LNX1: variants seen among roughly 807,000 people sequenced by gnomAD.
LNX1 encodes the protein ligand of numb-protein X 1.
LNX1 carries 54 observed loss-of-function variants against 68.4 expected under a neutral mutation model. That is an observed-to-expected ratio of 0.79 (90% CI 0.63 to 0.99). LNX1 has a LOEUF of 0.99. Ranked by LOEUF, LNX1 falls within the 50% of genes least tolerant of loss-of-function variation. The pLI, the probability that LNX1 is intolerant of heterozygous loss-of-function variation, is 0.00. For synonymous variants in LNX1, 336 were observed against 350.0 expected, an observed-to-expected ratio of 0.96 and a Z score of 0.45; for missense variants, 906 against 926.4, an observed-to-expected ratio of 0.98 and a Z score of 0.29.
chr4:53,648,748 G>A (rs1431119442), intron 1 of LNX1, among the ~76,000 whole-genome samples: 1 of 152,158 alleles, frequency 6.6e-6, no homozygotes, highest in Non-Finnish European at 1.5e-5. Context: ...TAAGTCCTAT[G>A]GCAAATAGAC....
chr4:53,575,575 G>A (rs1731430259), intron 1 of LNX1: 8 of 1,263,744 alleles, frequency 6.3e-6, no homozygotes, highest in Non-Finnish European at 8.0e-6. Context: ...AGGGCTCTGG[G>A]TCAACTTTCA....
intron 9 of LNX1, among the ~76,000 whole-genome samples, chr4:53,470,517 G>C (rs1165282947): frequency 6.6e-6 from 1 of 152,124 alleles, no homozygotes; most frequent in Non-Finnish European, 1.5e-5. Context: ...AGGAAATAAA[G>C]GGCATTCAAT....
At chr4:53,565,055 G>T (rs1407199011) in intron 2 of LNX1, among the ~76,000 whole-genome samples, 1 of 152,112 alleles carries the variant, frequency 6.6e-6, no homozygotes, top group African/African-American at 2.4e-5. Flanking sequence ...CTGCAAGGTG[G>T]CAGCGAGGCT....
At chr4:53,542,845 C>T (rs77453629) in intron 2 of LNX1, among the ~76,000 whole-genome samples, 23,009 of 152,112 alleles carry the variant, frequency 0.15, 2,136 homozygotes, top group South Asian at 0.32. Flanking sequence ...TAAGAACCCC[C>T]CTCTCCCATC....
Position 53,478,664 on chromosome 4 carries a change from CG to C in LNX1, c.1563del (p.Val522SerfsTer25). On this transcript the variant is annotated frameshift_variant, in exon 8 of 11. Transcript: ENST00000263925. LOFTEE classifies it high-confidence loss of function. ...TCTCTATGTGATGCTCCCCCTGCGACGGTCATGCCGAGAGATTCACCGGGGT... is the reference window on the plus strand; with the variant it reads ...TCTCTATGTGATGCTCCCCCTGCGACGTCATGCCGAGAGATTCACCGGGGT... ...QKDPGESLGM[T>X]VAGGASHREW... is the part of the protein sequence containing the mutation. 1 of 1,614,062 alleles carries C rather than the reference CG, an allele frequency of 6.2e-7. No individual in the cohort carries two copies. Among genetic ancestry groups the C allele is most frequent in the Non-Finnish European group, 8.5e-7 (1 of 1,179,966 alleles).
intron 1 of LNX1, among the ~76,000 whole-genome samples, chr4:53,645,204 C>A (rs1393790266): frequency 6.6e-6 from 1 of 152,138 alleles, no homozygotes; most frequent in Admixed American, 6.5e-5. Context: ...AATTAAGAAT[C>A]CAGAGGAAGG....
chr4:53,521,697 G>A (rs1218996512), intron 2 of LNX1, among the ~76,000 whole-genome samples: 3 of 151,742 alleles, frequency 2.0e-5, no homozygotes, highest in African/African-American at 7.2e-5. Flanking sequence ...TGCAAACGAA[G>A]GGGGAAAGGA....
rs56165716 is a variant in LNX1 at position 53,501,299 on chromosome 4, T to TTTGGGGGGG, written c.776-2457_776-2456insCCCCCCCAA. 2.4e-3 allele frequency among the ~76,000 whole-genome samples: 93 copies of TTTGGGGGGG among 38,776 alleles called. 2 individuals carry two copies. Among genetic ancestry groups the TTTGGGGGGG allele is most frequent in the Non-Finnish European group, 4.7e-3 (67 of 14,354 alleles). The allele number at this position is 38,776 out of a possible 152,430, so 25.4% of individuals were successfully genotyped here. A position where few individuals can be genotyped will look rare whatever the true frequency, so the allele number is the denominator to read the frequency against. On this transcript the variant is annotated intron_variant, in intron 4 of 10. Coordinates refer to ENST00000263925, the MANE Select transcript of LNX1 (RefSeq NM_001126328.3). ...TAATAATCTTTTTTTTTTTTTTTTT[T>TTTGGGGGGG]GGGGGTGGGGGGACAGGATCTCACT...
At chr4:53,532,058 T>C (rs543241662) in intron 2 of LNX1, among the ~76,000 whole-genome samples, 10 of 152,326 alleles carry the variant, frequency 6.6e-5, no homozygotes, top group Admixed American at 5.9e-4. Context: ...ATCTATTCAG[T>C]CTTGCAATGA....
At chr4:53,604,949 C>T (rs1345349716) in intron 2 of LNX1, among the ~76,000 whole-genome samples, 6 of 152,240 alleles carry the variant, frequency 3.9e-5, no homozygotes, top group East Asian at 1.9e-4. Flanking sequence ...CCTCACAACC[C>T]GGGTGATTTG....
At chr4:53,596,986 G>A (rs1262729074) in intron 2 of LNX1, among the ~76,000 whole-genome samples, 1 of 152,062 alleles carries the variant, frequency 6.6e-6, no homozygotes, top group African/African-American at 2.4e-5. Flanking sequence ...GGACTGTACT[G>A]TCTGGTTCCT....
upstream of LNX1, among the ~76,000 whole-genome samples, chr4:53,617,931 C>A (rs78216904): frequency 8.4e-3 from 1,285 of 152,162 alleles, 19 homozygotes; most frequent in African/African-American, 0.03. Context: ...TCTTTTTTCC[C>A]TGGAAAGATA....
chr4:53,512,046 T>A (rs1172243452), intron 2 of LNX1, among the ~76,000 whole-genome samples: 2 of 152,160 alleles, frequency 1.3e-5, no homozygotes, highest in African/African-American at 4.8e-5. Context: ...TTGGGTTCAT[T>A]AATTGTCCAG....
chr4:53,614,523 G>T (rs1577796644), intron 2 of LNX1, among the ~76,000 whole-genome samples: 1 of 152,160 alleles, frequency 6.6e-6, no homozygotes, highest in Non-Finnish European at 1.5e-5. Flanking sequence ...AGGGGTGTCA[G>T]GTTCCTCTGC....
intron 2 of LNX1, among the ~76,000 whole-genome samples, chr4:53,518,791 T>G (rs1159334161): frequency 2.2e-5 from 3 of 137,768 alleles, no homozygotes; most frequent in African/African-American, 7.5e-5. Flanking sequence ...GGCTGATTAT[T>G]TGGGGGGCAA....
chr4:53,598,103 A>G (rs1166161729), intron 2 of LNX1, among the ~76,000 whole-genome samples: 1 of 152,214 alleles, frequency 6.6e-6, no homozygotes, highest in Non-Finnish European at 1.5e-5. Flanking sequence ...AGGCAGTATT[A>G]TTCCTCCATC....
chr4:53,498,457 G>T (rs1398008137), intron 5 of LNX1, among the ~76,000 whole-genome samples, 184 bp downstream of exon 5: 3 of 152,050 alleles, frequency 2.0e-5, no homozygotes, highest in African/African-American at 7.2e-5. Context: ...GAAAGAGCAA[G>T]ACAGAGAGAA....
intron 2 of LNX1, among the ~76,000 whole-genome samples, chr4:53,511,507 C>T (rs1422735380): frequency 1.3e-5 from 2 of 152,118 alleles, no homozygotes; most frequent in Non-Finnish European, 2.9e-5. Flanking sequence ...ACAGAAAACC[C>T]CTTTTCAACC....
chr4:53,498,292 T>C (rs1725215689), intron 5 of LNX1, among the ~76,000 whole-genome samples: 1 of 151,990 alleles, frequency 6.6e-6, no homozygotes, highest in Non-Finnish European at 1.5e-5. Flanking sequence ...ATTAATGCTC[T>C]TTAAAAAAAG....
Sources: gnomAD v4.1 joint callset for allele counts (sites outside exome capture counted in the v4.1 genomes callset) on GRCh38, gnomAD v4.1.1 for gene constraint, MANE v1.5 for transcripts, NCBI Gene and HGNC (gene_info 2026-07-23, HGNC 2026-07-21) for gene names.